XKR9: variants seen among roughly 807,000 people sequenced by gnomAD.
XKR9 encodes XK-related protein 9.
Under a neutral mutation model 32.0 loss-of-function variants are expected in XKR9, and 32 were observed. The ratio of observed to expected loss-of-function variants is 1.00; its 90% CI spans 0.76 to 1.34. The LOEUF (loss-of-function observed/expected upper bound fraction) is 1.34, where lower values mean the gene tolerates loss of function less well. Ranked by LOEUF, XKR9 falls within the 40% of genes most tolerant of loss-of-function variation. XKR9 has a pLI of 0.00. For synonymous variants in XKR9, 168 were observed against 143.4 expected, an observed-to-expected ratio of 1.17 and a Z score of -1.22; for missense variants, 546 against 429.7, an observed-to-expected ratio of 1.27 and a Z score of -2.39.
chr8:70,934,354 AT>A, the XKR9 span, among the ~76,000 whole-genome samples: 1 of 152,058 alleles, frequency 6.6e-6, no homozygotes, highest in East Asian at 1.9e-4. Context: ...CATATTTTTA[AT>A]TTGATAAGAA....
the XKR9 span, among the ~76,000 whole-genome samples, chr8:70,880,873 C>T: frequency 1.3e-5 from 2 of 152,108 alleles, no homozygotes; most frequent in African/African-American, 2.4e-5. Flanking sequence ...TTCAAATGTA[C>T]TACAAGGCTA....
At chr8:70,913,286 T>C in the XKR9 span, among the ~76,000 whole-genome samples, 1 of 152,174 alleles carries the variant, frequency 6.6e-6, no homozygotes, top group African/African-American at 2.4e-5. Context: ...TGAAAATCTA[T>C]TCTCAGAGAG....
chr8:70,929,951 G>C, the XKR9 span, among the ~76,000 whole-genome samples: 1 of 152,112 alleles, frequency 6.6e-6, no homozygotes, highest in Non-Finnish European at 1.5e-5. Context: ...CAATAATAGA[G>C]GGCCATCTAG....
At chr8:70,769,780 A>G (rs185564205) in intron 2 of XKR9, among the ~76,000 whole-genome samples, 37 of 151,942 alleles carry the variant, frequency 2.4e-4, no homozygotes, top group African/African-American at 8.7e-4. Flanking sequence ...TGTGTTTTTC[A>G]GCTTCATCAG....
the XKR9 span, among the ~76,000 whole-genome samples, chr8:70,881,744 AC>A: frequency 6.6e-6 from 1 of 152,168 alleles, no homozygotes; most frequent in Non-Finnish European, 1.5e-5. Flanking sequence ...TTACCATTTG[AC>A]CCAGCAATCC....
chr8:71,020,147 T>A, the XKR9 span, among the ~76,000 whole-genome samples: 1 of 152,204 alleles, frequency 6.6e-6, no homozygotes, highest in Admixed American at 6.5e-5. Flanking sequence ...TAATCAGTAG[T>A]TCTTAACACC....
the XKR9 span, among the ~76,000 whole-genome samples, chr8:70,810,258 C>G: frequency 6.6e-6 from 1 of 152,152 alleles, no homozygotes; most frequent in African/African-American, 2.4e-5. Flanking sequence ...TTTGTCACCA[C>G]CAGGCCTGCC....
At chr8:70,934,723 G>A in the XKR9 span, among the ~76,000 whole-genome samples, 1 of 151,874 alleles carries the variant, frequency 6.6e-6, no homozygotes, top group Non-Finnish European at 1.5e-5. Context: ...AAAAATAAAT[G>A]AATTATGCAT....
rs1805405671 is a variant in XKR9 at position 70,699,047 on chromosome 8, C to T, written c.273-7886C>T. ...TTTTCCATTTGCTTGGTAGATCTTC[C>T]TCCATCCTTTTATTTTGAGCCTATG... On this transcript the variant is annotated intron_variant, in intron 3 of 4. Transcript: ENST00000408926. Among the ~76,000 whole-genome samples, 5 of 152,270 alleles carry T rather than the reference C, an allele frequency of 3.3e-5. 1 individual carries two copies. The South Asian group carries it at 1.0e-3, about 32-fold the overall frequency.
At chr8:70,895,507 A>G in the XKR9 span, among the ~76,000 whole-genome samples, 11 of 152,320 alleles carry the variant, frequency 7.2e-5, no homozygotes, top group South Asian at 2.3e-3. Flanking sequence ...CTTAACATCT[A>G]CAAAAGTTGG....
chr8:71,061,162 C>A, the XKR9 span, among the ~76,000 whole-genome samples: 1 of 152,180 alleles, frequency 6.6e-6, no homozygotes, highest in Non-Finnish European at 1.5e-5. Flanking sequence ...GTCAAGGTTA[C>A]ATACTAGTAA....
At chr8:70,711,185 A>C (rs1805908186) in intron 4 of XKR9, among the ~76,000 whole-genome samples, 1 of 152,224 alleles carries the variant, frequency 6.6e-6, no homozygotes, top group African/African-American at 2.4e-5. Context: ...TGGGAATGTA[A>C]ATTAGTTCAG....
chr8:70,986,925 G>A, the XKR9 span, among the ~76,000 whole-genome samples: 1 of 152,194 alleles, frequency 6.6e-6, no homozygotes, highest in East Asian at 1.9e-4. Context: ...TGGAAGGCAA[G>A]GAGGAACAAG....
the XKR9 span, among the ~76,000 whole-genome samples, chr8:71,059,271 GC>G: frequency 6.6e-6 from 1 of 152,202 alleles, no homozygotes; most frequent in African/African-American, 2.4e-5. Flanking sequence ...CACAGAATGT[GC>G]CCTCAGGCGC....
the XKR9 span, among the ~76,000 whole-genome samples, chr8:71,006,663 T>C: frequency 1.3e-5 from 2 of 152,188 alleles, no homozygotes; most frequent in South Asian, 4.1e-4. Flanking sequence ...AGTCCAAAAA[T>C]GGCATCTGGC....
At chr8:70,900,456 G>A in the XKR9 span, among the ~76,000 whole-genome samples, 3 of 152,164 alleles carry the variant, frequency 2.0e-5, no homozygotes, top group East Asian at 5.8e-4. Context: ...AGGCATGGTG[G>A]TGGGTGCCTG....
chr8:70,846,057 C>T, the XKR9 span, among the ~76,000 whole-genome samples: 1 of 152,224 alleles, frequency 6.6e-6, no homozygotes, highest in Admixed American at 6.5e-5. Flanking sequence ...AAGGGAAAAG[C>T]ATCTAGTCAC....
chr8:70,813,619 C>T, the XKR9 span, among the ~76,000 whole-genome samples: 1 of 151,964 alleles, frequency 6.6e-6, no homozygotes, highest in African/African-American at 2.4e-5. Flanking sequence ...ACCCCATCAA[C>T]AAGTGGGCAA....
At chr8:70,672,765 G>A (rs189178632) in intron 1 of XKR9, among the ~76,000 whole-genome samples, 1 of 152,096 alleles carries the variant, frequency 6.6e-6, no homozygotes, top group African/African-American at 2.4e-5. Context: ...TCTAACTGGG[G>A]TAAGATGATA....
Sources: allele counts gnomAD v4.1 joint callset (sites outside exome capture counted in the v4.1 genomes callset), GRCh38; gene constraint gnomAD v4.1.1; transcripts MANE v1.5; gene names NCBI Gene and HGNC (gene_info 2026-07-23, HGNC 2026-07-21).